BAIAP3: variants seen among roughly 807,000 people sequenced by gnomAD.
The protein encoded by BAIAP3 is BAI1-associated protein 3.
BAIAP3 carries 180 observed loss-of-function variants against 149.7 expected under a neutral mutation model. The ratio of observed to expected loss-of-function variants is 1.20; its 90% CI spans 1.07 to 1.36. The LOEUF (loss-of-function observed/expected upper bound fraction) is 1.36. Among genes scored for constraint, BAIAP3 ranks in the 40% most tolerant of loss-of-function variants. The pLI is 0.00. For missense variants in BAIAP3, 1,767 were observed against 1,563.4 expected, an observed-to-expected ratio of 1.13 and a Z score of -2.20; for synonymous variants, 845 against 670.7, an observed-to-expected ratio of 1.26 and a Z score of -4.02.
intron 1 of BAIAP3, chr16:1,334,540 T>G: frequency 1.2e-6 from 1 of 858,418 alleles, no homozygotes; most frequent in Non-Finnish European, 1.8e-6. Flanking sequence ...CGCCTCGGGC[T>G]CCGGTCTCCT....
chr16:1,345,533 TCCCCAGCAA>T (rs376332100), intron 22 of BAIAP3, 161 bp downstream of exon 22: 28,961 of 389,042 alleles, frequency 0.074, 1,658 homozygotes, highest in Non-Finnish European at 0.084. Context: ...AACCCCAGCC[TCCCCAGCAA>T]CCCCAGCCTC....
chr16:1,339,071 C>T (rs745884910), intron 3 of BAIAP3, 82 bp downstream of exon 3: 15 of 1,600,500 alleles, frequency 9.4e-6, no homozygotes, highest in Admixed American at 1.7e-5. Flanking sequence ...CTCCTGCCCT[C>T]GCTCCCACCT....
Position 1,347,635 on chromosome 16 carries a change from C to A in BAIAP3, c.2904+10C>A. 6.2e-7 allele frequency: 1 copy of A among 1,612,972 alleles called. No homozygotes were observed. The highest frequency in any genetic ancestry group is 8.5e-7 in the Non-Finnish European group (1 of 1,179,970). ...GGACAAGCTCAAACAGGTAGGGAGGCGCCAGGGACAGGGTGCTGCCTCCGA... is the reference window on the plus strand; with the variant it reads ...GGACAAGCTCAAACAGGTAGGGAGGAGCCAGGGACAGGGTGCTGCCTCCGA... On this transcript the variant is annotated intron_variant, in intron 30 of 33. Coordinates refer to ENST00000426824, the MANE Select transcript of BAIAP3 (RefSeq NM_001199097.2).
At chr16:1,342,485 G>C (rs540180093) in intron 11 of BAIAP3, 42 bp from the exon 12 acceptor site, 12 of 1,510,566 alleles carry the variant, frequency 7.9e-6, no homozygotes, top group Non-Finnish European at 1.1e-5. Flanking sequence ...TGGAAGGGGA[G>C]GGGGAGGAGT....
intron 14 of BAIAP3, 111 bp from the exon 15 acceptor site, chr16:1,343,282 G>A: frequency 6.9e-7 from 1 of 1,445,978 alleles, no homozygotes; most frequent in Non-Finnish European, 9.3e-7. Context: ...ATGAGTAGGC[G>A]CGGCAGTGCT....
intron 1 of BAIAP3, 147 bp from the exon 2 acceptor site, chr16:1,338,393 A>C (rs2033612881): frequency 9.7e-7 from 1 of 1,032,522 alleles, no homozygotes; most frequent in African/African-American, 1.6e-5. Flanking sequence ...CCGCCTGACC[A>C]GGTGCCCAGC....
Position 1,345,845 on chromosome 16 carries a change from G to A in BAIAP3, c.2163G>A (p.Trp721Ter). ...AGGAGTTGTGGGTGCGCCTGGCGTG[G>A]CCTGACCCTGCCCAGGCTCAGGGGC... is the stretch of plus-strand genomic sequence containing the variant. Reference protein sequence around the residue: ...HIQELWVRLAWPDPAQAQGLG... With the variant: ...HIQELWVRLA Residue 721 changes from tryptophan (W) to a stop codon, truncating the protein, a stop_gained, in exon 23 of 34, where the codon TGG becomes TGA. Coordinates refer to ENST00000426824, the MANE Select transcript of BAIAP3 (RefSeq NM_001199097.2). LOFTEE classifies it high-confidence loss of function. 1 of 1,579,142 alleles carries A rather than the reference G, an allele frequency of 6.3e-7. No homozygotes were observed. Among genetic ancestry groups the A allele is most frequent in the Non-Finnish European group, 8.6e-7 (1 of 1,164,506 alleles).
chr16:1,339,075 C>T (rs748760307), intron 3 of BAIAP3, 86 bp downstream of exon 3: 2 of 1,599,180 alleles, frequency 1.3e-6, no homozygotes, highest in South Asian at 1.1e-5. Flanking sequence ...TGCCCTCGCT[C>T]CCACCTCCTG....
intron 4 of BAIAP3, 77 bp downstream of exon 4, chr16:1,339,321 T>TTTAGAG: frequency 2.0e-6 from 3 of 1,530,214 alleles, no homozygotes; most frequent in Non-Finnish European, 2.6e-6. Context: ...ACCTACTGTG[T>TTTAGAG]GCACAGGGTC....
intron 1 of BAIAP3, chr16:1,334,407 T>A (rs531610218): frequency 1.9e-6 from 1 of 522,088 alleles, no homozygotes; most frequent in South Asian, 2.3e-5. Context: ...GAACTGGGGG[T>A]GTGGCTCCTG....
chr16:1,344,049 G>A lies in BAIAP3; in HGVS notation c.1414G>A (p.Ala472Thr), dbSNP rs770815658. ...GGAGAGCCTGGCTGATAGCCTTTCCGCCTTCTCTGAGTTCGGGCTGCAGCT... is the reference window on the plus strand; with the variant it reads ...GGAGAGCCTGGCTGATAGCCTTTCCACCTTCTCTGAGTTCGGGCTGCAGCT... ...QEESLADSLSAFSEFGLQLLR... is the reference protein window; with the variant it reads ...QEESLADSLSTFSEFGLQLLR... The change falls in exon 16 of 34, where the codon GCC becomes ACC. Residue 472 changes from alanine to threonine, a missense_variant. Coordinates refer to ENST00000426824, the MANE Select transcript of BAIAP3 (RefSeq NM_001199097.2). 7.4e-6 allele frequency: 12 copies of A among 1,612,310 alleles called. No homozygotes were observed. Among genetic ancestry groups the A allele is most frequent in the Middle Eastern group, 1.6e-4 (1 of 6,084 alleles).
chr16:1,341,938 C>T, intron 9 of BAIAP3, 48 bp from the exon 10 acceptor site: 2 of 1,585,520 alleles, frequency 1.3e-6, no homozygotes, highest in Non-Finnish European at 1.7e-6. Context: ...GGACTCAGGG[C>T]CCGGCTGCGG....
Position 1,347,307 on chromosome 16 carries a change from A to G in BAIAP3, c.2761A>G (p.Ser921Gly). Residue 921 changes from serine to glycine, a missense_variant, in exon 29 of 34, where the codon AGT becomes GGT. Transcript: ENST00000426824. ...TCTTTCCCTGCCCCAGGCCCTGGTC[A>G]GTTTTTTCCACGCAGAGGGTCAGGG... Reference protein sequence around the residue: ...RFHFTLEALVSFFHAEGQGLP... With the variant: ...RFHFTLEALVGFFHAEGQGLP... 1 of 1,613,220 alleles carries G rather than the reference A, an allele frequency of 6.2e-7. No homozygotes were observed. The highest frequency in any genetic ancestry group is 8.5e-7 in the Non-Finnish European group (1 of 1,179,902).
In BAIAP3 at chr16:1,344,094, T is replaced by G. The variant is rs766930883; in HGVS notation, c.1459T>G (p.Tyr487Asp). 3.7e-6 allele frequency: 6 copies of G among 1,612,176 alleles called. No individual in the cohort carries two copies. Among genetic ancestry groups the G allele is most frequent in the South Asian group, 3.3e-5 (3 of 91,088 alleles). The change falls in exon 16 of 34, where the codon TAC (tyrosine) becomes GAC (aspartate). Residue 487 changes from tyrosine (Y) to aspartate (D), a missense_variant. Physicochemically the swap from Tyr to Asp is radical, Grantham distance 160 (BLOSUM62 -3). Coordinates refer to ENST00000426824, the MANE Select transcript of BAIAP3 (RefSeq NM_001199097.2). ...GCAGCTGCTGCGCCAGCTCCGAGAC[T>G]ACTTCCCTGCCACCAACAGCACCGC... is the stretch of plus-strand genomic sequence containing the variant. ...GLQLLRQLRD[Y>D]FPATNSTAVH...
chr16:1,349,342 GCCGCAAA>G lies in BAIAP3; in HGVS notation c.*861_*867del. On this transcript the variant is annotated 3_prime_UTR_variant, in exon 34 of 34. Coordinates refer to ENST00000426824, the MANE Select transcript of BAIAP3 (RefSeq NM_001199097.2). ...CCCGGACAGCTCAGTCCTGCCAGCA[GCCGCAAA>G]GAGCCGAGGCTGCCAGGCCCATTTA... 7.1e-7 allele frequency: 1 copy of G among 1,406,000 alleles called. No homozygotes were observed. The highest frequency in any genetic ancestry group is 1.7e-5 in the Admixed American group (1 of 59,582). 87.1% of individuals were successfully genotyped at this position (1,406,000 alleles called of 1,614,324 possible).
In BAIAP3 at chr16:1,348,231, G is replaced by A; in HGVS notation, c.3285G>A (p.Arg1095=). 1 of 1,606,576 alleles carries A rather than the reference G, an allele frequency of 6.2e-7. No homozygotes were observed. ...TAGGTGGCGTCACTGGTGTCGCCCG[G>A]CCCCAGGTGGGCGGGGGTGCAAGGG... ...LGLGGVTGVA[R]PQVGGGARAG... Residue 1095 remains arginine, a synonymous_variant, in exon 33 of 34, where the codon CGG becomes CGA. Coordinates refer to ENST00000426824, the MANE Select transcript of BAIAP3 (RefSeq NM_001199097.2).
In BAIAP3 at chr16:1,343,501, G is replaced by A. The variant is rs1239773462; in HGVS notation, c.1374G>A (p.Leu458=). Residue 458 remains leucine, a synonymous_variant, in exon 15 of 34, where the codon CTG becomes CTA. Transcript: ENST00000426824. Reference sequence around the variant, plus strand: ...CACACTGGGAAGAGGCTCCTTCACTGCCCCAGGAGCAGGTGGGTGCAGCCG... The same window carrying A: ...CACACTGGGAAGAGGCTCCTTCACTACCCCAGGAGCAGGTGGGTGCAGCCG... ...MQAHWEEAPS[L]PQEQEESLAD... 2 of 1,605,900 alleles carry A rather than the reference G, an allele frequency of 1.2e-6. No individual in the cohort carries two copies. Among genetic ancestry groups the A allele is most frequent in the Admixed American group, 3.4e-5 (2 of 59,218 alleles).
chr16:1,347,159 C>A, intron 28 of BAIAP3, 139 bp from the exon 29 acceptor site: 1 of 997,494 alleles, frequency 1.0e-6, no homozygotes, highest in Non-Finnish European at 1.5e-6. Flanking sequence ...CTTCCGATGC[C>A]CGCCAGGGTG....
chr16:1,346,968 G>T lies in BAIAP3; in HGVS notation c.2751+13G>T. On this transcript the variant is annotated intron_variant, in intron 28 of 33. Transcript: ENST00000426824. Reference sequence around the variant, plus strand: ...TTTCACGCTGGAGGTAGAGCTCTGTGAAGGAGTCCTCCCCGCCGGCCCCCG... The same window carrying T: ...TTTCACGCTGGAGGTAGAGCTCTGTTAAGGAGTCCTCCCCGCCGGCCCCCG... The T allele has an allele frequency of 6.3e-7, 1 of 1,590,068 alleles. No individual in the cohort carries two copies. Among genetic ancestry groups the T allele is most frequent in the South Asian group, 1.1e-5 (1 of 89,074 alleles).
Sources: allele counts gnomAD v4.1 joint callset, GRCh38; gene constraint gnomAD v4.1.1; transcripts MANE v1.5; gene names NCBI Gene and HGNC (gene_info 2026-07-23, HGNC 2026-07-21).